SUPT6H: variants seen among roughly 807,000 people sequenced by gnomAD.
SUPT6H encodes the protein transcription elongation factor SPT6.
Under a neutral mutation model 222.3 loss-of-function variants are expected in SUPT6H, and 11 were observed. The ratio of observed to expected loss-of-function variants is 0.05; its 90% CI spans 0.03 to 0.08. The LOEUF is 0.08. Ranked by LOEUF, SUPT6H falls within the 10% of genes least tolerant of loss-of-function variation. The pLI is 1.00. For missense variants in SUPT6H, 1,422 were observed against 2,216.0 expected (o/e 0.64, Z 7.19); for synonymous variants, 762 against 801.2 (o/e 0.95, Z 0.83).
At position 28,683,365 on chromosome 17, in the gene SUPT6H, C is replaced by A. The variant is rs371193096; in HGVS notation, c.1976C>A (p.Ala659Asp). The A allele has an allele frequency of 1.1e-4, 173 of 1,614,032 alleles. No homozygotes were observed. Among genetic ancestry groups the A allele is most frequent in the Non-Finnish European group, 1.5e-4 (172 of 1,180,038 alleles). ...RDDQFLKICL[A>D]EDEGLLTTDI... is the part of the protein sequence containing the mutation. ...GACCAGTTTCTCAAGATATGCCTGG[C>A]TGAAGACGAAGGGCTCCTCACCACT... The change falls in exon 16 of 37, where the codon GCT becomes GAT. Residue 659 changes from alanine to aspartate, a missense_variant. Around this residue, in one of 13 missense-constraint regions of SUPT6H, gnomAD observed 121 missense variants for 158.0 expected, o/e 0.77. Coordinates refer to ENST00000314616, the MANE Select transcript of SUPT6H (RefSeq NM_003170.5).
chr17:28,696,258 C>T (rs553067799), intron 29 of SUPT6H, among the ~76,000 whole-genome samples: 62 of 139,144 alleles, frequency 4.5e-4, no homozygotes, highest in Non-Finnish European at 7.8e-4. Flanking sequence ...AATTGCACCA[C>T]TACAGTACAA....
At chr17:28,680,121 A>G (rs2031013474) in intron 11 of SUPT6H, among the ~76,000 whole-genome samples, 1 of 151,702 alleles carries the variant, frequency 6.6e-6, no homozygotes, top group Non-Finnish European at 1.5e-5. Context: ...CTTGGCCAAC[A>G]TGGTGAAACC....
At position 28,692,573 on chromosome 17, in the gene SUPT6H, A is replaced by G. The variant is rs1261505786; in HGVS notation, c.3634-1123A>G. 1.4e-5 allele frequency among the ~76,000 whole-genome samples: 2 copies of G among 147,918 alleles called. 1 individual carries two copies. Among genetic ancestry groups the G allele is most frequent in the East Asian group, 4.0e-4 (2 of 5,004 alleles). The stretch of plus-strand genomic sequence containing the variant: ...GCAGCTAAAGGGATCTAAGTTGGAT[A>G]AACATAAAAGAGGATGGGGCACAGT... On this transcript the variant is annotated intron_variant, in intron 27 of 36. Transcript: ENST00000314616.
At chr17:28,667,370 CAAA>C (rs546020183) in intron 1 of SUPT6H, among the ~76,000 whole-genome samples, 1 of 6,240 alleles carries the variant, frequency 1.6e-4, no homozygotes, top group African/African-American at 4.6e-4. Context: ...GACTCCGTCT[CAAA>C]AAAAAAAAAA....
chr17:28,683,293 A>T lies in SUPT6H; in HGVS notation c.1904A>T (p.Tyr635Phe). The change falls in exon 16 of 37, where the codon TAT becomes TTT. Residue 635 changes from tyrosine (Y) to phenylalanine (F), a missense_variant. Tyr to Phe is a conservative substitution (Grantham distance 22). Transcript: ENST00000314616. ...GATGTGGATGAGGCCCACTATGCCT[A>T]TTCCTTCAAGTATTTAAAGAACAAG... is the stretch of plus-strand genomic sequence containing the variant. ...RKDVDEAHYA[Y>F]SFKYLKNKPV... is the part of the protein sequence containing the mutation. The T allele has an allele frequency of 6.2e-7, 1 of 1,614,164 alleles. No individual in the cohort carries two copies. Among genetic ancestry groups the T allele is most frequent in the Non-Finnish European group, 8.5e-7 (1 of 1,180,030 alleles).
chr17:28,684,668 T>C lies in SUPT6H; in HGVS notation c.2312T>C (p.Met771Thr). ...CAGGTGGAAGAAGATGACGACTTTA[T>C]GGACGAGAACCAAGGGAAGGGCATT... ...DQQVEEDDDF[M>T]DENQGKGIRV... The change falls in exon 18 of 37, where the codon ATG becomes ACG. Residue 771 changes from methionine to threonine, a missense_variant. Transcript: ENST00000314616. 1.2e-6 allele frequency: 2 copies of C among 1,614,218 alleles called. No individual in the cohort carries two copies. The highest frequency in any genetic ancestry group is 1.7e-6 in the Non-Finnish European group (2 of 1,180,050).
At chr17:28,694,406 A>G (rs1161858199) in intron 28 of SUPT6H, among the ~76,000 whole-genome samples, 2 of 152,208 alleles carry the variant, frequency 1.3e-5, no homozygotes, top group East Asian at 3.9e-4. Context: ...CTAATCTCAC[A>G]TGCTGATGGA....
At chr17:28,700,787 AC>A in intron 35 of SUPT6H, 153 bp from the exon 36 acceptor site, 1 of 1,029,012 alleles carries the variant, frequency 9.7e-7, no homozygotes, top group Non-Finnish European at 1.4e-6. Flanking sequence ...CTCGGTGCTG[AC>A]CTGCAGGCTT....
Position 28,691,152 on chromosome 17 carries a change from A to G in SUPT6H, c.3633+89A>G. On this transcript the variant is annotated intron_variant, in intron 27 of 36. Coordinates refer to ENST00000314616, the MANE Select transcript of SUPT6H (RefSeq NM_003170.5). ...AGGGAATCAGAAATGAGGGTGTTCTAGATCATTCTCTCACCAAACAAGTAC... is the reference window on the plus strand; with the variant it reads ...AGGGAATCAGAAATGAGGGTGTTCTGGATCATTCTCTCACCAAACAAGTAC... The G allele has an allele frequency of 2.0e-6, 3 of 1,480,852 alleles. No individual in the cohort carries two copies. In the South Asian group the frequency reaches 3.7e-5, roughly 18 times the overall value. 91.7% of individuals were successfully genotyped at this position (1,480,852 alleles called of 1,614,324 possible). A position where few individuals can be genotyped will look rare whatever the true frequency, so the allele number is the denominator to read the frequency against.
intron 1 of SUPT6H, among the ~76,000 whole-genome samples, chr17:28,663,827 C>CTTTTTTTTTTTTTTTTTTTTTT (rs1567681347): frequency 7.1e-4 from 6 of 8,412 alleles, no homozygotes; most frequent in East Asian, 5.1e-3. Flanking sequence ...CTGCCCACTC[C>CTTTTTTTTTTTTTTTTTTTTTT]ATTTTTTTTT....
intron 32 of SUPT6H, among the ~76,000 whole-genome samples, chr17:28,698,695 A>T (rs56016908): frequency 2.0e-5 from 3 of 152,250 alleles, no homozygotes; most frequent in Non-Finnish European, 4.4e-5. Context: ...GCCTTTGGCC[A>T]TGTGCACTTC....
At chr17:28,675,902 A>G (rs2030718261) in intron 6 of SUPT6H, among the ~76,000 whole-genome samples, 1 of 152,182 alleles carries the variant, frequency 6.6e-6, no homozygotes, top group Non-Finnish European at 1.5e-5. Context: ...CAAGACATAG[A>G]CCCGTCTGCT....
chr17:28,686,214 G>A, intron 19 of SUPT6H, 125 bp from the exon 20 acceptor site: 1 of 823,294 alleles, frequency 1.2e-6, no homozygotes, highest in Non-Finnish European at 1.9e-6. Flanking sequence ...TTCCTTGGTA[G>A]CACCTTGGAC....
chr17:28,697,862 A>G (rs1223579060), intron 31 of SUPT6H, 44 bp from the exon 32 acceptor site: 9 of 1,610,162 alleles, frequency 5.6e-6, no homozygotes, highest in Non-Finnish European at 7.6e-6. Flanking sequence ...GTTGTGTACC[A>G]AGCATGCTGC....
chr17:28,688,093 C>T lies in SUPT6H; in HGVS notation c.3009C>T (p.Ile1003=). 2 of 1,611,188 alleles carry T rather than the reference C, an allele frequency of 1.2e-6. No homozygotes were observed. The highest frequency in any genetic ancestry group is 1.7e-6 in the Non-Finnish European group (2 of 1,178,282). Residue 1003 remains isoleucine, a splice_region_variant and synonymous_variant, in exon 24 of 37, where the codon ATC becomes ATT. Transcript: ENST00000314616. This position sits in a 1 kb window ranked among gnomAD's most constrained non-coding sequence, Gnocchi z 4.3. ...GPRKGTHLLK[I]LKQNNTRLES... ...CTCAGTCCAGCTCTCTCCCCCAGAT[C>T]CTGAAGCAGAACAACACCCGGCTCG...
At chr17:28,668,997 T>A (rs954447501) in intron 1 of SUPT6H, among the ~76,000 whole-genome samples, 12 of 152,194 alleles carry the variant, frequency 7.9e-5, no homozygotes, top group Admixed American at 3.3e-4. Context: ...TTACAGTCAC[T>A]CCTCAACTTT....
chr17:28,674,466 G>A (rs537985082), intron 3 of SUPT6H, 25 bp downstream of exon 3: 5 of 1,614,082 alleles, frequency 3.1e-6, no homozygotes, highest in Non-Finnish European at 4.2e-6. Context: ...GTTGGCTCAA[G>A]TGAGGCTTGG....
chr17:28,690,064 G>C lies in SUPT6H; in HGVS notation c.3343-18G>C, dbSNP rs929521308. 6.2e-7 allele frequency: 1 copy of C among 1,602,364 alleles called. No individual in the cohort carries two copies. Among genetic ancestry groups the C allele is most frequent in the Non-Finnish European group, 8.5e-7 (1 of 1,172,606 alleles). On this transcript the variant is annotated intron_variant, in intron 25 of 36. Transcript: ENST00000314616. ...GGGGGGCAGCTGCAAGGCTCTTCTT[G>C]ATGGGCTTCTTCCCCAGGGCTATGG... is the stretch of plus-strand genomic sequence containing the variant.
chr17:28,696,028 C>T (rs1412691224), intron 29 of SUPT6H, among the ~76,000 whole-genome samples: 2 of 152,084 alleles, frequency 1.3e-5, no homozygotes, highest in Non-Finnish European at 2.9e-5. Flanking sequence ...AGCCAGGAGC[C>T]AGGTGCGGTG....
Sources: allele counts gnomAD v4.1 joint callset (sites outside exome capture counted in the v4.1 genomes callset), GRCh38; gene constraint gnomAD v4.1.1; regional missense constraint gnomAD v4.1.1; non-coding constraint Gnocchi (gnomAD v3.1); transcripts MANE v1.5; gene names NCBI Gene and HGNC (gene_info 2026-07-23, HGNC 2026-07-21).